Variants in TEX9 observed in about 807,000 individuals in gnomAD.
TEX9 encodes testis expressed 9, also known as testis-expressed protein 9.
A neutral mutation model predicts 59.6 loss-of-function variants in TEX9; 74 were observed. The ratio of observed to expected loss-of-function variants is 1.24; its 90% confidence interval spans 1.03 to 1.51. TEX9 has a LOEUF of 1.51. Ranked by LOEUF, TEX9 falls within the 40% of genes most tolerant of loss-of-function variation. The pLI is 0.00. For missense variants in TEX9, 522 were observed against 447.8 expected (o/e 1.17, Z -1.49); for synonymous variants, 186 against 152.2 (o/e 1.22, Z -1.64).
At chr15:56,412,344 A>G in exon 10 of TEX9, 1 of 1,613,462 alleles carries the variant, frequency 6.2e-7, no homozygotes, top group Non-Finnish European at 8.5e-7. Flanking sequence ...GGCTGCAAGT[A>G]GTCAAAGTGC....
chr15:56,316,996 G>C (rs541844760), intron 1 of TEX9, among the ~76,000 whole-genome samples: 1 of 152,160 alleles, frequency 6.6e-6, no homozygotes, highest in Non-Finnish European at 1.5e-5. Context: ...GCAATGCCTC[G>C]CCCTGCTTCT....
chr15:56,270,471 C>T (rs2044501272), intron 1 of TEX9, among the ~76,000 whole-genome samples: 1 of 152,116 alleles, frequency 6.6e-6, no homozygotes, highest in Non-Finnish European at 1.5e-5. Context: ...ATTGCAACCC[C>T]TGCTTTTTTC....
At chr15:56,268,971 G>A (rs1173261126) in intron 1 of TEX9, among the ~76,000 whole-genome samples, 1 of 151,932 alleles carries the variant, frequency 6.6e-6, no homozygotes, top group East Asian at 1.9e-4. Context: ...TTTTTTGGTT[G>A]GTAGGCTATT....
intron 1 of TEX9, among the ~76,000 whole-genome samples, chr15:56,301,442 A>T (rs1453728874): frequency 6.6e-6 from 1 of 152,200 alleles, no homozygotes; most frequent in Non-Finnish European, 1.5e-5. Flanking sequence ...TAAGAAGGTT[A>T]TACAACATCA....
At chr15:56,417,334 T>C (rs1374676708) in intron 10 of TEX9, among the ~76,000 whole-genome samples, 1 of 151,922 alleles carries the variant, frequency 6.6e-6, no homozygotes, top group African/African-American at 2.4e-5. Context: ...TGTGGGCGTT[T>C]AGTGCTATGA....
intron 12 of TEX9, among the ~76,000 whole-genome samples, chr15:56,442,478 G>T (rs763854802): frequency 2.6e-5 from 4 of 152,110 alleles, no homozygotes; most frequent in Non-Finnish European, 5.9e-5. Context: ...GCAAAGATAT[G>T]GAATCCACCT....
chr15:56,413,568 A>T lies in TEX9; in HGVS notation c.963+1132A>T, dbSNP rs148407454. 6.0e-3 allele frequency among the ~76,000 whole-genome samples: 914 copies of T among 151,152 alleles called. 6 individuals are homozygous for T. The highest frequency in any genetic ancestry group is 0.021 in the African/African-American group (878 of 41,248). On this transcript the variant is annotated intron_variant, in intron 10 of 12. Transcript: ENST00000352903. ...ACTCCCCATTTCCACCTCCCTCTAGACCCTGGCAACCACCATTGTACTTTC... is the reference window on the plus strand; with the variant it reads ...ACTCCCCATTTCCACCTCCCTCTAGTCCCTGGCAACCACCATTGTACTTTC...
chr15:56,329,579 T>C (rs1272225938), intron 1 of TEX9, among the ~76,000 whole-genome samples: 1 of 152,100 alleles, frequency 6.6e-6, no homozygotes, highest in East Asian at 1.9e-4. Flanking sequence ...CCAGATAAAT[T>C]TAACAAAGAG....
intron 3 of TEX9, among the ~76,000 whole-genome samples, chr15:56,379,720 C>G (rs1295120135): frequency 6.6e-6 from 1 of 152,108 alleles, no homozygotes; most frequent in African/African-American, 2.4e-5. Context: ...TCTGGGTGCT[C>G]CAGTGTTGCA....
chr15:56,301,713 A>G (rs894142612), intron 1 of TEX9, among the ~76,000 whole-genome samples: 2 of 152,150 alleles, frequency 1.3e-5, no homozygotes, highest in East Asian at 1.9e-4. Flanking sequence ...TCCTTCAAGC[A>G]TTAAAGAGAA....
intron 10 of TEX9, among the ~76,000 whole-genome samples, chr15:56,415,919 G>A (rs551656706): frequency 6.6e-6 from 1 of 151,606 alleles, no homozygotes; most frequent in Non-Finnish European, 1.5e-5. Context: ...GCAGTGTTTC[G>A]TAATTCTCAT....
At chr15:56,353,322 T>C (rs896576964) in intron 1 of TEX9, among the ~76,000 whole-genome samples, 8 of 152,198 alleles carry the variant, frequency 5.3e-5, no homozygotes, top group African/African-American at 1.9e-4. Context: ...CTACAAAAAA[T>C]ATTTGGCTTT....
chr15:56,394,749 C>T (rs1352595600), exon 9 of TEX9: 2 of 1,612,472 alleles, frequency 1.2e-6, no homozygotes, highest in Admixed American at 1.7e-5. Flanking sequence ...ATGCAACAGT[C>T]TCAAGTAGAA....
chr15:56,297,270 T>G (rs1355228257), intron 1 of TEX9, among the ~76,000 whole-genome samples: 4 of 152,016 alleles, frequency 2.6e-5, no homozygotes, highest in African/African-American at 9.7e-5. Flanking sequence ...AAAACTAATA[T>G]CTTAAAAAAT....
chr15:56,258,085 G>A (rs1009054063), intron 1 of TEX9, among the ~76,000 whole-genome samples: 2 of 152,136 alleles, frequency 1.3e-5, no homozygotes, highest in African/African-American at 4.8e-5. Flanking sequence ...GTTTGTCAAA[G>A]ATCAGATGGT....
intron 10 of TEX9, among the ~76,000 whole-genome samples, chr15:56,422,649 T>G (rs2140241173): frequency 6.6e-6 from 1 of 152,030 alleles, no homozygotes; most frequent in East Asian, 1.9e-4. Context: ...ATTTAAAAAT[T>G]TTTAATTGTG....
intron 1 of TEX9, among the ~76,000 whole-genome samples, chr15:56,282,579 C>T (rs2044843567): frequency 6.6e-6 from 1 of 151,968 alleles, no homozygotes; most frequent in Non-Finnish European, 1.5e-5. Context: ...ATTAGAATCC[C>T]CAAAACCCAT....
intron 1 of TEX9, among the ~76,000 whole-genome samples, chr15:56,247,344 A>G (rs1339160667): frequency 6.6e-6 from 1 of 152,206 alleles, no homozygotes. Context: ...AGTTATAAAC[A>G]TATCCACTAG....
intron 1 of TEX9, among the ~76,000 whole-genome samples, chr15:56,287,773 A>AT (rs1441598384): frequency 2.6e-5 from 4 of 152,140 alleles, no homozygotes; most frequent in Non-Finnish European, 5.9e-5. Context: ...AACATATGGT[A>AT]TTTGTTCTTC....
Sources: gnomAD v4.1 joint callset for allele counts (sites outside exome capture counted in the v4.1 genomes callset) on GRCh38, gnomAD v4.1.1 for gene constraint, MANE v1.5 for transcripts, NCBI Gene and HGNC (gene_info 2026-07-23, HGNC 2026-07-21) for gene names.